The following MRPL22 variants were observed in gnomAD, a reference collection of about 807,000 sequenced individuals.
The protein encoded by MRPL22 is large ribosomal subunit protein uL22m.
Under a neutral mutation model 32.4 loss-of-function variants are expected in MRPL22, and 27 were observed. That is an observed-to-expected ratio of 0.83 (90% CI 0.61 to 1.15). The LOEUF (loss-of-function observed/expected upper bound fraction) is 1.15, where lower values mean the gene tolerates loss of function less well. MRPL22 is among the 50% of genes most tolerant of loss of function. The pLI is 0.00. For missense variants in MRPL22, 239 were observed against 260.2 expected (o/e 0.92, Z 0.56); for synonymous variants, 86 against 87.3 (o/e 0.99, Z 0.08).
intron 3 of MRPL22, among the ~76,000 whole-genome samples, chr5:154,955,003 A>G (rs929059452): frequency 1.4e-4 from 21 of 151,472 alleles, no homozygotes; most frequent in African/African-American, 5.1e-4. Context: ...TTCACCATTC[A>G]CAGGATGGTC....
chr5:154,957,051 A>C, intron 4 of MRPL22, 84 bp from the exon 5 acceptor site: 2 of 1,302,890 alleles, frequency 1.5e-6, no homozygotes, highest in East Asian at 4.7e-5. Flanking sequence ...AAGTTACTCA[A>C]ATTATGTAAG....
At chr5:154,954,882 C>T (rs1764611238) in intron 3 of MRPL22, among the ~76,000 whole-genome samples, 2 of 152,176 alleles carry the variant, frequency 1.3e-5, no homozygotes, top group African/African-American at 4.8e-5. Flanking sequence ...AGCTCCACCT[C>T]CCGGGTTCAT....
At chr5:154,962,505 TG>T (rs1764717830) in intron 6 of MRPL22, among the ~76,000 whole-genome samples, 1 of 152,224 alleles carries the variant, frequency 6.6e-6, no homozygotes, top group South Asian at 2.1e-4. Context: ...GCTACTATTT[TG>T]GTTCAGCAAT....
intron 3 of MRPL22, among the ~76,000 whole-genome samples, chr5:154,953,441 G>T (rs1582690969): frequency 6.8e-6 from 1 of 146,022 alleles, no homozygotes; most frequent in Admixed American, 6.9e-5. Context: ...GTCACACCTT[G>T]TTAATTTGGG....
intron 5 of MRPL22, chr5:154,959,313 A>C (rs185260458): frequency 6.6e-6 from 1 of 151,900 alleles, no homozygotes; most frequent in East Asian, 1.9e-4. Context: ...CCCAGCTAAG[A>C]CTTTTCAGTA....
intron 5 of MRPL22, among the ~76,000 whole-genome samples, chr5:154,957,514 T>C (rs541089329): frequency 8.5e-5 from 13 of 152,332 alleles, no homozygotes; most frequent in African/African-American, 3.1e-4. Context: ...TACGTATATG[T>C]GTGTATTTGT....
chr5:154,957,222 C>G lies in MRPL22; in HGVS notation c.339+10C>G. On this transcript the variant is annotated intron_variant, in intron 5 of 6. Coordinates refer to ENST00000523037, the MANE Select transcript of MRPL22 (RefSeq NM_014180.4). ...CAAAATAATTAAAGAGGTAAACTTA[C>G]AAGTTTGGGTGTGGTAGGGAATGGG... The G allele has an allele frequency of 6.2e-7, 1 of 1,607,648 alleles. No individual in the cohort carries two copies. Among genetic ancestry groups the G allele is most frequent in the South Asian group, 1.1e-5 (1 of 90,924 alleles).
At chr5:154,948,172 A>G (rs1324177861) in intron 2 of MRPL22, among the ~76,000 whole-genome samples, 1 of 152,166 alleles carries the variant, frequency 6.6e-6, no homozygotes, top group African/African-American at 2.4e-5. Flanking sequence ...CAACTTCAAC[A>G]CTTACTACTT....
chr5:154,959,777 G>C (rs1397582663), intron 5 of MRPL22, among the ~76,000 whole-genome samples: 1 of 152,202 alleles, frequency 6.6e-6, no homozygotes, highest in African/African-American at 2.4e-5. Context: ...GATGGGCTGT[G>C]TTCTATGCAT....
chr5:154,950,937 C>A lies in MRPL22; in HGVS notation c.194C>A (p.Ala65Glu). 6.3e-7 allele frequency: 1 copy of A among 1,584,392 alleles called. No individual in the cohort carries two copies. The highest frequency in any genetic ancestry group is 8.7e-7 in the Non-Finnish European group (1 of 1,153,852). The part of the protein sequence containing the change: ...PQLPGEPRRP[A>E]EIYHCRRQIK... The stretch of plus-strand genomic sequence containing the variant: ...CTGCCTGGAGAACCTCGGAGACCAG[C>A]AGTAAGTTCGTGGGTAGAACTAATC... The change falls in exon 3 of 7, where the codon GCA becomes GAA. Residue 65 changes from alanine to glutamate, a missense_variant and splice_region_variant. Coordinates refer to ENST00000523037, the MANE Select transcript of MRPL22 (RefSeq NM_014180.4).
chr5:154,948,514 C>T (rs762379716), intron 2 of MRPL22, among the ~76,000 whole-genome samples: 9 of 152,130 alleles, frequency 5.9e-5, no homozygotes, highest in South Asian at 4.1e-4. Context: ...CATGATATTA[C>T]GTAACATGTT....
At chr5:154,947,759 C>T (rs548665419) in intron 2 of MRPL22, among the ~76,000 whole-genome samples, 1 of 152,106 alleles carries the variant, frequency 6.6e-6, no homozygotes. Context: ...TAGCCACTTA[C>T]GATAGTACAG....
rs1764780864 is a variant in MRPL22, at chr5:154,967,121, AG to A, written c.*225del. ...GGAAGGGGAAATCAGCTTTAAACATAGTAACAGACTATATTTCAAAAGGCTT... is the reference window on the plus strand; with the variant it reads ...GGAAGGGGAAATCAGCTTTAAACATATAACAGACTATATTTCAAAAGGCTT... On this transcript the variant is annotated 3_prime_UTR_variant, in exon 7 of 7. Coordinates refer to ENST00000523037, the MANE Select transcript of MRPL22 (RefSeq NM_014180.4). This position sits in a 1 kb window ranked among gnomAD's most constrained non-coding sequence, Gnocchi z 4.7. 3 of 546,402 alleles carry A rather than the reference AG, an allele frequency of 5.5e-6. No homozygotes were observed. The African/African-American group carries it at 5.7e-5, about 10-fold the overall frequency. The allele number at this position is 546,402 out of a possible 1,614,324, so 33.8% of individuals were successfully genotyped here. A position where few individuals can be genotyped will look rare whatever the true frequency, so the allele number is the denominator to read the frequency against.
chr5:154,957,242 A>G lies in MRPL22; in HGVS notation c.339+30A>G, dbSNP rs769138004. 2.3e-5 allele frequency: 36 copies of G among 1,554,320 alleles called. 1 individual carries two copies. The Middle Eastern group carries it at 4.9e-3, about 210-fold the overall frequency. On this transcript the variant is annotated intron_variant, in intron 5 of 6. Transcript: ENST00000523037. ...ACTTACAAGTTTGGGTGTGGTAGGG[A>G]ATGGGGAACTGGGGAATGCAGCTGT...
chr5:154,962,963 G>A (rs973499339), intron 6 of MRPL22, among the ~76,000 whole-genome samples: 2 of 152,054 alleles, frequency 1.3e-5, no homozygotes, highest in Admixed American at 6.5e-5. Context: ...ATTTTGAGAC[G>A]GAGTCTCACT....
At chr5:154,966,616 GA>G in intron 6 of MRPL22, 69 bp from the exon 7 acceptor site, 1 of 1,524,192 alleles carries the variant, frequency 6.6e-7, no homozygotes, top group South Asian at 1.2e-5. Flanking sequence ...GGAAAGGACA[GA>G]AATTGCTCAG....
chr5:154,951,074 T>G, intron 3 of MRPL22, 136 bp downstream of exon 3: 1 of 641,054 alleles, frequency 1.6e-6, no homozygotes, highest in East Asian at 2.7e-5. Context: ...TGTACTAGAT[T>G]TATCTCTTCA....
intron 1 of MRPL22, 29 bp from the exon 2 acceptor site, chr5:154,941,188 T>C: frequency 6.2e-7 from 1 of 1,614,128 alleles, no homozygotes; most frequent in Non-Finnish European, 8.5e-7. Flanking sequence ...AGATGGAATC[T>C]GAGTTGACGG....
At chr5:154,958,714 T>G (rs1403698701) in intron 5 of MRPL22, among the ~76,000 whole-genome samples, 3 of 151,776 alleles carry the variant, frequency 2.0e-5, no homozygotes, top group Non-Finnish European at 4.4e-5. Context: ...CCAGCTAATA[T>G]TTTTGTATTT....
Sources: gnomAD v4.1 joint callset for allele counts (sites outside exome capture counted in the v4.1 genomes callset) on GRCh38, gnomAD v4.1.1 for gene constraint, Gnocchi (gnomAD v3.1) non-coding constraint, MANE v1.5 for transcripts, NCBI Gene and HGNC (gene_info 2026-07-23, HGNC 2026-07-21) for gene names.